The following LRP1 variants were observed in gnomAD, a reference collection of about 807,000 sequenced individuals.
LRP1 encodes LDL receptor related protein 1, also known as prolow-density lipoprotein receptor-related protein 1.
Under a neutral mutation model 541.5 loss-of-function variants are expected in LRP1, and 51 were observed. The observed-to-expected ratio is 0.09, with a 90% confidence interval of 0.08 to 0.12. LRP1 has a LOEUF of 0.12. Among genes scored for constraint, LRP1 ranks in the 10% least tolerant of loss-of-function variants. The probability of loss-of-function intolerance (pLI) is 1.00; values close to 1 mark genes in which losing one functional copy is unlikely to be tolerated. For synonymous variants in LRP1, 2,219 were observed against 2,470.8 expected (o/e 0.90, Z 3.02); for missense variants, 3,878 against 6,376.2 (o/e 0.61, Z 13.34).
At position 57,196,958 on chromosome 12, in the gene LRP1, G is replaced by A. The variant is rs773387825; in HGVS notation, c.8893-24G>A. 5.0e-6 allele frequency: 8 copies of A among 1,594,770 alleles called. No individual in the cohort carries two copies. The East Asian group carries it at 9.1e-5, about 18-fold the overall frequency. ...AGGCCCAGACCCTGCCACATGCCCA[G>A]CCCAAGGCTCCCTGTGCCTGCAGTG... On this transcript the variant is annotated intron_variant, in intron 55 of 88. Transcript: ENST00000243077.
At chr12:57,134,009 G>A (rs1249117705) in intron 1 of LRP1, among the ~76,000 whole-genome samples, 1 of 152,146 alleles carries the variant, frequency 6.6e-6, no homozygotes, top group Non-Finnish European at 1.5e-5. Context: ...CAGAATGACA[G>A]CCAAGGGTCA....
chr12:57,201,757 A>G lies in LRP1; in HGVS notation c.10469-23A>G. The G allele has an allele frequency of 6.2e-7, 1 of 1,611,644 alleles. No individual in the cohort carries two copies. The highest frequency in any genetic ancestry group is 8.5e-7 in the Non-Finnish European group (1 of 1,178,990). ...CACTCCTGGAAGGAGTCTCATCCTCACCCCATGCCCACCCGCTTGCAGCCC... is the reference window on the plus strand; with the variant it reads ...CACTCCTGGAAGGAGTCTCATCCTCGCCCCATGCCCACCCGCTTGCAGCCC... On this transcript the variant is annotated intron_variant, in intron 66 of 88. Transcript: ENST00000243077. The surrounding 1 kb of genome is among the most constrained non-coding windows in gnomAD (Gnocchi z 6.4).
Position 57,156,852 on chromosome 12 carries a change from G to C in LRP1, c.1493G>C (p.Ser498Thr), listed in dbSNP as rs1268453843. ...GCSDICLLAN[S>T]HKARTCRCRS... ...TCTGACATCTGCCTGCTGGCCAACA[G>C]CCACAAGGCGCGGACCTGCCGCTGC... The change falls in exon 10 of 89, where the codon AGC (serine) becomes ACC (threonine). Residue 498 changes from serine to threonine, a missense_variant. Around this residue, in one of 13 missense-constraint regions of LRP1, gnomAD observed 496 missense variants for 861.0 expected, o/e 0.58. Transcript: ENST00000243077. This position sits in a 1 kb window ranked among gnomAD's most constrained non-coding sequence, Gnocchi z 5.2. The C allele has an allele frequency of 6.2e-7, 1 of 1,601,926 alleles. No homozygotes were observed. The highest frequency in any genetic ancestry group is 8.5e-7 in the Non-Finnish European group (1 of 1,177,226).
In LRP1 at chr12:57,165,780, C is replaced by T. The variant is rs371228739; in HGVS notation, c.2531-25C>T. The T allele has an allele frequency of 3.1e-6, 5 of 1,603,992 alleles. No individual in the cohort carries two copies. The highest frequency in any genetic ancestry group is 1.1e-5 in the South Asian group (1 of 90,928). ...CCCACGACCGGGGTCTGACTTTCCC[C>T]CTCACGATCCTGTGGTGCCCACAGC... On this transcript the variant is annotated intron_variant, in intron 15 of 88. Transcript: ENST00000243077. This position sits in a 1 kb window ranked among gnomAD's most constrained non-coding sequence, Gnocchi z 4.5.
rs35238544 is a variant in LRP1 at position 57,177,541 on chromosome 12, C to T, written c.4311C>T (p.Asn1437=). The change falls in exon 26 of 89, where the codon AAC becomes AAT. Residue 1437 remains asparagine (N), a synonymous_variant. Transcript: ENST00000243077. This position sits in a 1 kb window ranked among gnomAD's most constrained non-coding sequence, Gnocchi z 6.8. ...HRETGSGGWP[N]GLTVDYLEKR... ...AGACCGGCTCTGGGGGCTGGCCCAA[C>T]GGGCTCACCGTGGACTACCTGGAGA... 1,342 of 1,613,944 alleles carry T rather than the reference C, an allele frequency of 8.3e-4. 7 individuals are homozygous for T. In the African/African-American group the frequency reaches 0.014, roughly 17 times the overall value.
At chr12:57,210,502 C>T (rs374831391) in intron 82 of LRP1, 22 bp downstream of exon 82, 114 of 1,520,438 alleles carry the variant, frequency 7.5e-5, no homozygotes, top group Middle Eastern at 4.7e-4. Context: ...CATCCCGCCA[C>T]GCCTGCTCCT....
chr12:57,198,310 A>G lies in LRP1; in HGVS notation c.9437A>G (p.Glu3146Gly). Residue 3146 changes from glutamate to glycine, a missense_variant, in exon 59 of 89, where the codon GAG becomes GGG. This residue lies in a region of LRP1 where 1,100 missense variants were observed against 1,827.4 expected (regional missense o/e 0.60). Transcript: ENST00000243077. ...RTVLVSSGLREPRALVVDVQN... is the reference protein window; with the variant it reads ...RTVLVSSGLRGPRALVVDVQN... ...GTGCTGGTCAGCTCTGGCCTCCGTG[A>G]GCCCAGGGCTCTGGTGGTGGATGTG... 6.2e-7 allele frequency: 1 copy of G among 1,613,918 alleles called. No individual in the cohort carries two copies. The highest frequency in any genetic ancestry group is 8.5e-7 in the Non-Finnish European group (1 of 1,179,980).
At chr12:57,193,334 T>C (rs1357219297) in intron 46 of LRP1, 30 bp downstream of exon 46, 5 of 1,605,130 alleles carry the variant, frequency 3.1e-6, no homozygotes, top group Non-Finnish European at 2.5e-6. Flanking sequence ...CCCTGCCTCT[T>C]CCAGGCCCAG....
chr12:57,185,685 C>T lies in LRP1; in HGVS notation c.6618C>T (p.Arg2206=). ...CCGGCTACCTGCTCTACTCAGAGCGCACCATTCTCAAGAGTATCCACCTGT... is the reference window on the plus strand; with the variant it reads ...CCGGCTACCTGCTCTACTCAGAGCGTACCATTCTCAAGAGTATCCACCTGT... ...EYAGYLLYSE[R]TILKSIHLSD... The change falls in exon 41 of 89, where the codon CGC becomes CGT. Residue 2206 remains arginine, a synonymous_variant. Coordinates refer to ENST00000243077, the MANE Select transcript of LRP1 (RefSeq NM_002332.3). This position sits in a 1 kb window ranked among gnomAD's most constrained non-coding sequence, Gnocchi z 4.9. 4 of 1,614,078 alleles carry T rather than the reference C, an allele frequency of 2.5e-6. No individual in the cohort carries two copies. Among genetic ancestry groups the T allele is most frequent in the Non-Finnish European group, 3.4e-6 (4 of 1,180,004 alleles).
At chr12:57,129,092 C>A in intron 1 of LRP1, 61 bp downstream of exon 1, 8 of 1,486,564 alleles carry the variant, frequency 5.4e-6, no homozygotes, top group Non-Finnish European at 5.5e-6. Context: ...AGCCCCCACT[C>A]CTGCATACGG....
In LRP1 at chr12:57,149,394, G is replaced by A. The variant is rs562580565; in HGVS notation, c.841+3904G>A. 9.2e-6 allele frequency: 5 copies of A among 541,112 alleles called. No individual in the cohort carries two copies. In the East Asian group the frequency reaches 9.4e-5, roughly 10 times the overall value. The allele number at this position is 541,112 out of a possible 1,614,324, so 33.5% of individuals were successfully genotyped here. On this transcript the variant is annotated intron_variant, in intron 6 of 88. Transcript: ENST00000243077. ...GGCCCGGGCCAGCCCTGTGTCTCCC[G>A]GCCCAGATCCAGCCCTGTCCTCTCC...
chr12:57,193,769 G>T, intron 47 of LRP1, 84 bp downstream of exon 47: 1 of 1,609,224 alleles, frequency 6.2e-7, no homozygotes, highest in Non-Finnish European at 8.5e-7. Flanking sequence ...CCTGGGCCCC[G>T]TGGTGTCTGG....
At chr12:57,193,107 G>C (rs541490926) in intron 45 of LRP1, 69 bp from the exon 46 acceptor site, 2 of 1,596,076 alleles carry the variant, frequency 1.3e-6, no homozygotes, top group African/African-American at 1.3e-5. Context: ...TCAGCTCCCC[G>C]GGGGAGGAGG....
At chr12:57,131,664 T>C (rs1050451363) in intron 1 of LRP1, among the ~76,000 whole-genome samples, 2 of 152,206 alleles carry the variant, frequency 1.3e-5, no homozygotes, top group Non-Finnish European at 2.9e-5. Context: ...AAAGCAAGAA[T>C]GTGTAAGAAA....
At position 57,178,599 on chromosome 12, in the gene LRP1, C is replaced by T. The variant is rs374700311; in HGVS notation, c.4602C>T (p.Pro1534=). 40 of 1,614,062 alleles carry T rather than the reference C, an allele frequency of 2.5e-5. No individual in the cohort carries two copies. The African/African-American group carries it at 4.7e-4, about 19-fold the overall frequency. ...DLQVYHPSRQ[P]MAPNPCEANG... The stretch of plus-strand genomic sequence containing the variant: ...AGGTGTACCACCCCTCCCGCCAGCC[C>T]ATGGGTAAGGGGCTCGGGGCCTCGA... The change falls in exon 27 of 89, where the codon CCC becomes CCT. Residue 1534 remains proline, a synonymous_variant. Transcript: ENST00000243077. The surrounding 1 kb of genome is among the most constrained non-coding windows in gnomAD (Gnocchi z 5.8).
At chr12:57,139,017 C>T (rs2035232188) in intron 2 of LRP1, among the ~76,000 whole-genome samples, 1 of 152,234 alleles carries the variant, frequency 6.6e-6, no homozygotes, top group Admixed American at 6.5e-5. Flanking sequence ...CCAGAAGCCC[C>T]ACCCCTGTGC....
intron 6 of LRP1, chr12:57,149,540 A>T: frequency 1.5e-6 from 1 of 652,336 alleles, no homozygotes; most frequent in African/African-American, 1.8e-5. Context: ...CCCGGCAAGG[A>T]TTTCTCAATA....
intron 24 of LRP1, among the ~76,000 whole-genome samples, 162 bp downstream of exon 24, chr12:57,176,268 C>T (rs776867436): frequency 4.9e-4 from 74 of 152,372 alleles, no homozygotes; most frequent in African/African-American, 1.7e-3. Context: ...CCATGCCTGA[C>T]GCCCCGTAAT....
rs138672668 is a variant in LRP1, at chr12:57,201,802, C to T, written c.10491C>T (p.Asp3497=). 6 of 1,613,936 alleles carry T rather than the reference C, an allele frequency of 3.7e-6. No homozygotes were observed. The highest frequency in any genetic ancestry group is 3.4e-6 in the Non-Finnish European group (4 of 1,180,000). Residue 3497 remains aspartate (D), a synonymous_variant, in exon 67 of 89, where the codon GAC becomes GAT. Transcript: ENST00000243077. The surrounding 1 kb of genome is among the most constrained non-coding windows in gnomAD (Gnocchi z 6.4). Reference sequence around the variant, plus strand: ...CAGCCCAGATGACCTGTGGTGTGGACGAGTTCCGCTGCAAGGATTCGGGCC... The same window carrying T: ...CAGCCCAGATGACCTGTGGTGTGGATGAGTTCCGCTGCAAGGATTCGGGCC... ...ANCTQMTCGV[D]EFRCKDSGRC...
Sources: allele counts gnomAD v4.1 joint callset (sites outside exome capture counted in the v4.1 genomes callset), GRCh38; gene constraint gnomAD v4.1.1; regional missense constraint gnomAD v4.1.1; non-coding constraint Gnocchi (gnomAD v3.1); transcripts MANE v1.5; gene names NCBI Gene and HGNC (gene_info 2026-07-23, HGNC 2026-07-21).